The following STPG2 variants were observed in gnomAD, a reference collection of about 807,000 sequenced individuals.
STPG2 encodes the protein sperm-tail PG-rich repeat-containing protein 2.
STPG2 carries 56 observed loss-of-function variants against 54.2 expected under a neutral mutation model. The observed-to-expected ratio is 1.03, with a 90% confidence interval of 0.83 to 1.29. The LOEUF (loss-of-function observed/expected upper bound fraction) is 1.29. Ranked by LOEUF, STPG2 falls within the 50% of genes most tolerant of loss-of-function variation. STPG2 has a pLI of 0.00. For missense variants in STPG2, 596 were observed against 544.9 expected (o/e 1.09, Z -0.93); for synonymous variants, 200 against 181.8 (o/e 1.10, Z -0.81).
intron 4 of STPG2, among the ~76,000 whole-genome samples, chr4:97,503,113 T>A (rs976387712): frequency 2.0e-5 from 3 of 152,038 alleles, no homozygotes. Context: ...TTTCCTTTTA[T>A]TTACCTAGTT....
At chr4:98,032,993 G>T (rs971515584) in intron 5 of STPG2, among the ~76,000 whole-genome samples, 1 of 152,146 alleles carries the variant, frequency 6.6e-6, no homozygotes, top group East Asian at 1.9e-4. Flanking sequence ...AAGCAGGAAC[G>T]AACTAAAATC....
At chr4:98,093,569 C>T (rs1738754662) in intron 5 of STPG2, among the ~76,000 whole-genome samples, 1 of 152,178 alleles carries the variant, frequency 6.6e-6, no homozygotes, top group South Asian at 2.1e-4. Flanking sequence ...TGAAGAAAAG[C>T]ACCGTCACAA....
At chr4:97,707,935 A>C (rs1723999765) in intron 10 of STPG2, among the ~76,000 whole-genome samples, 1 of 152,208 alleles carries the variant, frequency 6.6e-6, no homozygotes. Flanking sequence ...GATTTTACCA[A>C]ACAAGCATGC....
intron 10 of STPG2, among the ~76,000 whole-genome samples, chr4:97,607,591 C>G (rs1508460): frequency 0.14 from 20,743 of 152,012 alleles, 4,123 homozygotes; most frequent in African/African-American, 0.44. Flanking sequence ...AAATGACTTA[C>G]AGGTTTTGGA....
intron 4 of STPG2, among the ~76,000 whole-genome samples, chr4:97,446,523 T>G (rs1729226108): frequency 6.6e-6 from 1 of 152,252 alleles, no homozygotes; most frequent in African/African-American, 2.4e-5. Context: ...GTATACTCAC[T>G]GATATGGTTT....
At chr4:97,803,110 G>C (rs1727448227) in intron 9 of STPG2, among the ~76,000 whole-genome samples, 1 of 152,034 alleles carries the variant, frequency 6.6e-6, no homozygotes, top group Non-Finnish European at 1.5e-5. Flanking sequence ...TTGGCTTCCA[G>C]GCCTACTCAA....
chr4:97,631,547 T>C (rs1158681898), intron 10 of STPG2, among the ~76,000 whole-genome samples: 1 of 152,108 alleles, frequency 6.6e-6, no homozygotes, highest in Non-Finnish European at 1.5e-5. Context: ...ATCAGGTTAG[T>C]TGAAAGTAAA....
At chr4:97,967,228 G>A (rs1330504511) in intron 7 of STPG2, among the ~76,000 whole-genome samples, 1 of 147,608 alleles carries the variant, frequency 6.8e-6, no homozygotes, top group Non-Finnish European at 1.5e-5. Flanking sequence ...CCTAGTCTCT[G>A]ATAAAACAGA....
chr4:97,651,011 T>C (rs1560703386), intron 10 of STPG2, among the ~76,000 whole-genome samples: 1 of 146,584 alleles, frequency 6.8e-6, no homozygotes, highest in Non-Finnish European at 1.5e-5. Context: ...TGGGCAAGAT[T>C]AAAAAAAAAA....
At chr4:98,044,386 C>T (rs756387175) in intron 5 of STPG2, among the ~76,000 whole-genome samples, 1 of 152,126 alleles carries the variant, frequency 6.6e-6, no homozygotes, top group Non-Finnish European at 1.5e-5. Context: ...GCTGGATAAG[C>T]GAAGTGCCAC....
intron 5 of STPG2, among the ~76,000 whole-genome samples, chr4:98,089,561 A>G (rs1251298569): frequency 6.6e-6 from 1 of 151,846 alleles, no homozygotes; most frequent in Non-Finnish European, 1.5e-5. Flanking sequence ...TCCTTTGGGT[A>G]GATACCCAGT....
At chr4:97,906,044 C>A (rs775699972) in intron 8 of STPG2, among the ~76,000 whole-genome samples, 4 of 151,902 alleles carry the variant, frequency 2.6e-5, no homozygotes, top group African/African-American at 9.7e-5. Context: ...AATAGAGACA[C>A]AAAAACCCTT....
At chr4:97,932,310 A>T (rs1732580086) in intron 8 of STPG2, among the ~76,000 whole-genome samples, 1 of 151,884 alleles carries the variant, frequency 6.6e-6, no homozygotes, top group South Asian at 2.1e-4. Context: ...TTGATTCTCT[A>T]ATTTTTCAAG....
intron 5 of STPG2, among the ~76,000 whole-genome samples, chr4:98,063,447 C>CA (rs879408504): frequency 3.7e-4 from 51 of 138,756 alleles, no homozygotes; most frequent in East Asian, 1.2e-3. Flanking sequence ...GACACCATCC[C>CA]AAAAAAAAAA....
At chr4:97,968,638 A>C (rs1734205760) in intron 7 of STPG2, among the ~76,000 whole-genome samples, 1 of 152,210 alleles carries the variant, frequency 6.6e-6, no homozygotes, top group Non-Finnish European at 1.5e-5. Flanking sequence ...CAACATATGC[A>C]AATCAGTAAA....
At chr4:98,109,873 G>A (rs1208160303) in intron 3 of STPG2, among the ~76,000 whole-genome samples, 1 of 152,060 alleles carries the variant, frequency 6.6e-6, no homozygotes, top group African/African-American at 2.4e-5. Context: ...TTTGTGACAT[G>A]AGAAATAATC....
intron 5 of STPG2, among the ~76,000 whole-genome samples, chr4:98,031,768 A>G (rs1012171771): frequency 1.3e-5 from 2 of 152,214 alleles, no homozygotes; most frequent in Non-Finnish European, 2.9e-5. Context: ...CAGTAAGCAG[A>G]GTAAACAGAC....
chr4:97,741,970 TCCAACAA>T (rs1481565653), intron 9 of STPG2, among the ~76,000 whole-genome samples: 1 of 152,054 alleles, frequency 6.6e-6, no homozygotes, highest in East Asian at 1.9e-4. Flanking sequence ...AACCCAAATG[TCCAACAA>T]TGATAGACTG....
At chr4:97,509,315 A>C (rs1578351892) in intron 4 of STPG2, among the ~76,000 whole-genome samples, 1 of 152,220 alleles carries the variant, frequency 6.6e-6, no homozygotes, top group Admixed American at 6.6e-5. Flanking sequence ...TTTCCATTCA[A>C]GGTTTCAAGA....
Sources: gnomAD v4.1 joint callset for allele counts (sites outside exome capture counted in the v4.1 genomes callset) on GRCh38, gnomAD v4.1.1 for gene constraint, MANE v1.5 for transcripts, NCBI Gene and HGNC (gene_info 2026-07-23, HGNC 2026-07-21) for gene names.